The following CCDC171 variants were observed in gnomAD, a reference collection of about 807,000 sequenced individuals.
The protein encoded by CCDC171 is coiled-coil domain containing 171.
A neutral mutation model predicts 168.2 loss-of-function variants in CCDC171; 177 were observed. The ratio of observed to expected loss-of-function variants is 1.05; its 90% CI spans 0.93 to 1.19. The LOEUF (loss-of-function observed/expected upper bound fraction) is 1.19, where lower values mean the gene tolerates loss of function less well. Ranked by LOEUF, CCDC171 falls within the 50% of genes most tolerant of loss-of-function variation. CCDC171 has a pLI of 0.00. For synonymous variants in CCDC171, 687 were observed against 540.8 expected (o/e 1.27, Z -3.75); for missense variants, 1,991 against 1,539.0 (o/e 1.29, Z -4.91).
chr9:15,935,269 G>A (rs150011183), intron 25 of CCDC171, among the ~76,000 whole-genome samples: 3 of 152,008 alleles, frequency 2.0e-5, no homozygotes, highest in Non-Finnish European at 4.4e-5. Flanking sequence ...GTAGTGGAAA[G>A]AGCATGACAG....
chr9:15,908,366 G>A (rs1053794959), intron 24 of CCDC171, among the ~76,000 whole-genome samples: 20 of 152,172 alleles, frequency 1.3e-4, no homozygotes, highest in African/African-American at 4.1e-4. Context: ...GGACATGGAT[G>A]TAGCTGGAAA....
intron 23 of CCDC171, among the ~76,000 whole-genome samples, chr9:15,872,786 T>C (rs1817331476): frequency 6.6e-6 from 1 of 152,028 alleles, no homozygotes; most frequent in Non-Finnish European, 1.5e-5. Context: ...TTGATGTTGA[T>C]AAATTCTCAG....
chr9:15,936,974 C>T (rs943474133), intron 25 of CCDC171, among the ~76,000 whole-genome samples: 1 of 151,956 alleles, frequency 6.6e-6, no homozygotes, highest in Non-Finnish European at 1.5e-5. Context: ...TCAACTGCAG[C>T]ACCATTAGTG....
intron 6 of CCDC171, among the ~76,000 whole-genome samples, chr9:15,601,548 C>T (rs1460321217): frequency 6.6e-6 from 1 of 152,226 alleles, no homozygotes; most frequent in Non-Finnish European, 1.5e-5. Context: ...TAAGTACTTA[C>T]TGAGTTACTG....
At chr9:15,861,312 T>G (rs1231197011) in intron 23 of CCDC171, among the ~76,000 whole-genome samples, 1 of 151,782 alleles carries the variant, frequency 6.6e-6, no homozygotes, top group Admixed American at 6.6e-5. Flanking sequence ...ACGTTTGAAG[T>G]AATTACTGAT....
At chr9:16,096,133 A>C in the CCDC171 span, among the ~76,000 whole-genome samples, 1 of 152,094 alleles carries the variant, frequency 6.6e-6, no homozygotes, top group African/African-American at 2.4e-5. Flanking sequence ...TTCATGTTTT[A>C]TTTAATTACT....
intron 25 of CCDC171, among the ~76,000 whole-genome samples, chr9:15,969,264 G>A (rs541923647): frequency 4.6e-5 from 7 of 152,268 alleles, no homozygotes; most frequent in East Asian, 1.9e-4. Context: ...GCAAAAGAGG[G>A]ACCTCTTTGT....
At chr9:16,098,048 G>A in the CCDC171 span, among the ~76,000 whole-genome samples, 1 of 152,130 alleles carries the variant, frequency 6.6e-6, no homozygotes, top group East Asian at 1.9e-4. Context: ...AAAGAGACAC[G>A]AAAACAATCA....
chr9:16,063,117 A>G (rs554474893), downstream of CCDC171, among the ~76,000 whole-genome samples: 28 of 152,254 alleles, frequency 1.8e-4, no homozygotes, highest in South Asian at 2.5e-3. Flanking sequence ...AATGATTTGT[A>G]AGCTCCAAAG....
intron 23 of CCDC171, among the ~76,000 whole-genome samples, chr9:15,860,935 G>GGTGT (rs1259018674): frequency 5.8e-5 from 2 of 34,356 alleles, no homozygotes; most frequent in African/African-American, 3.4e-4. Context: ...TGTTGTTAGG[G>GGTGT]ATGTGTGTGT....
At chr9:15,634,043 G>A (rs901415047) in intron 7 of CCDC171, among the ~76,000 whole-genome samples, 3 of 151,812 alleles carry the variant, frequency 2.0e-5, no homozygotes, top group Non-Finnish European at 4.4e-5. Context: ...GGAGAGGGGG[G>A]CGGGATAGCT....
At chr9:15,904,084 C>T (rs7047111) in intron 24 of CCDC171, among the ~76,000 whole-genome samples, 83,791 of 151,886 alleles carry the variant, frequency 0.55, 23,304 homozygotes, top group East Asian at 0.81. Context: ...AGAATGGAAC[C>T]AAGTTGGAAA....
At chr9:16,007,973 T>C (rs919734657) in intron 3 of CCDC171, among the ~76,000 whole-genome samples, 1 of 152,220 alleles carries the variant, frequency 6.6e-6, no homozygotes, top group Non-Finnish European at 1.5e-5. Context: ...TTATATATTC[T>C]GGATACAAGA....
chr9:15,623,522 T>C (rs2044750071), intron 7 of CCDC171, 109 bp downstream of exon 7: 1 of 450,950 alleles, frequency 2.2e-6, no homozygotes, highest in African/African-American at 2.7e-5. Context: ...ACCCATTCCG[T>C]GATTTAAGAT....
intron 6 of CCDC171, among the ~76,000 whole-genome samples, chr9:16,031,807 G>A (rs1222729678): frequency 6.6e-6 from 1 of 152,142 alleles, no homozygotes; most frequent in Admixed American, 6.5e-5. Context: ...ATGTTGAGAT[G>A]GGGTAGCTAC....
intron 10 of CCDC171, among the ~76,000 whole-genome samples, chr9:15,682,172 A>G (rs535743142): frequency 1.5e-4 from 23 of 152,054 alleles, no homozygotes; most frequent in Non-Finnish European, 3.1e-4. Context: ...AGATACAAAG[A>G]CTTGAGCAAA....
chr9:16,069,918 T>A, the CCDC171 span, among the ~76,000 whole-genome samples: 1 of 152,172 alleles, frequency 6.6e-6, no homozygotes, highest in Admixed American at 6.5e-5. Context: ...TGGATGTGAT[T>A]GCCAGGGCTC....
At chr9:15,627,041 T>C (rs1323700923) in intron 7 of CCDC171, among the ~76,000 whole-genome samples, 1 of 152,234 alleles carries the variant, frequency 6.6e-6, no homozygotes, top group Non-Finnish European at 1.5e-5. Context: ...TGGTTTAGTC[T>C]TGGGAGGGTG....
Position 15,569,590 on chromosome 9 carries a change from C to T in CCDC171, c.42-2034C>T, listed in dbSNP as rs1376554243. ...CAGCACTTTGGGAGGCCGAGGCGGG[C>T]GGATCACGAGGTCAGGAGATCGAGA... is the stretch of plus-strand genomic sequence containing the variant. On this transcript the variant is annotated intron_variant, in intron 2 of 25. Coordinates refer to ENST00000380701, the MANE Select transcript of CCDC171 (RefSeq NM_173550.4). 5.3e-5 allele frequency among the ~76,000 whole-genome samples: 8 copies of T among 151,648 alleles called. No individual in the cohort carries two copies. The East Asian group carries it at 1.2e-3, about 22-fold the overall frequency.
Sources: gnomAD v4.1 joint callset for allele counts (sites outside exome capture counted in the v4.1 genomes callset) on GRCh38, gnomAD v4.1.1 for gene constraint, MANE v1.5 for transcripts, NCBI Gene and HGNC (gene_info 2026-07-23, HGNC 2026-07-21) for gene names.